Variants in MYH11 observed in about 807,000 individuals in gnomAD.
The protein encoded by MYH11 is myosin heavy chain 11, also known as myosin-11.
In MYH11, 80 loss-of-function variants were observed where a neutral mutation model predicts 246.6. The observed-to-expected ratio is 0.32, with a 90% CI of 0.27 to 0.39. The LOEUF is 0.39. MYH11 is among the 10% of genes least tolerant of loss of function. MYH11 has a pLI of 1.00. For missense variants in MYH11, 2,158 were observed against 2,546.8 expected (o/e 0.85, Z 3.29); for synonymous variants, 1,071 against 1,015.5 (o/e 1.05, Z -1.04).
intron 6 of MYH11, among the ~76,000 whole-genome samples, chr16:15,780,219 G>A (rs1263969220): frequency 6.6e-6 from 1 of 152,136 alleles, no homozygotes; most frequent in African/African-American, 2.4e-5. Flanking sequence ...CGGCACATCT[G>A]CTATGGAGAT....
Position 15,724,157 on chromosome 16 carries a change from C to G in MYH11, c.4365+4G>C. 6.2e-7 allele frequency: 1 copy of G among 1,613,166 alleles called. No individual in the cohort carries two copies. The highest frequency in any genetic ancestry group is 8.5e-7 in the Non-Finnish European group (1 of 1,180,042). On this transcript the variant is annotated splice_donor_region_variant and intron_variant, in intron 31 of 40. Transcript: ENST00000300036. ...CAGAGTGGGGGACACCCCACGCCCT[C>G]TACCTGATCAAATTTCCTCTGCTTC...
chr16:15,737,047 G>A (rs2041137724), intron 25 of MYH11, among the ~76,000 whole-genome samples: 1 of 152,064 alleles, frequency 6.6e-6, no homozygotes, highest in African/African-American at 2.4e-5. Context: ...CAAAAAAGAG[G>A]GCCCTTAGAG....
At chr16:15,827,075 G>C (rs1466752682) in intron 2 of MYH11, among the ~76,000 whole-genome samples, 1 of 149,742 alleles carries the variant, frequency 6.7e-6, no homozygotes, top group Non-Finnish European at 1.5e-5. Context: ...AAAGGAGAAT[G>C]AATGAGTCAA....
At chr16:15,764,489 A>G (rs1409811107) in intron 9 of MYH11, among the ~76,000 whole-genome samples, 4 of 152,182 alleles carry the variant, frequency 2.6e-5, no homozygotes, top group African/African-American at 4.8e-5. Flanking sequence ...AAACAAAAAA[A>G]AAACCCTGAC....
intron 8 of MYH11, among the ~76,000 whole-genome samples, chr16:15,772,119 TCTCA>T (rs66539506): frequency 0.21 from 26,291 of 127,018 alleles, 2,883 homozygotes; most frequent in Middle Eastern, 0.31. Flanking sequence ...TGAGACGGAG[TCTCA>T]CTCTGTCGTC....
intron 3 of MYH11, among the ~76,000 whole-genome samples, chr16:15,820,475 GAAA>G (rs199534515): frequency 0.16 from 16,780 of 104,218 alleles, 1,047 homozygotes; most frequent in East Asian, 0.2. Flanking sequence ...ACTCCATCCG[GAAA>G]AAAAAAAAAA....
chr16:15,764,980 C>T (rs550882132), intron 9 of MYH11, among the ~76,000 whole-genome samples: 1 of 152,342 alleles, frequency 6.6e-6, no homozygotes, highest in East Asian at 1.9e-4. Context: ...CATACTCAGG[C>T]CATGTTACTG....
At chr16:15,799,834 C>T (rs1289611724) in intron 3 of MYH11, among the ~76,000 whole-genome samples, 1 of 152,196 alleles carries the variant, frequency 6.6e-6, no homozygotes, top group African/African-American at 2.4e-5. Context: ...CAAAAATCTC[C>T]TAGGCTTGGT....
At chr16:15,851,000 C>A (rs1441513293) in intron 1 of MYH11, among the ~76,000 whole-genome samples, 1 of 152,154 alleles carries the variant, frequency 6.6e-6, no homozygotes, top group East Asian at 1.9e-4. Flanking sequence ...GAGGCCAAGC[C>A]AAGAGGATTG....
In MYH11 at chr16:15,735,465, T is replaced by C; in HGVS notation, c.3407A>G (p.Lys1136Arg). Residue 1136 changes from lysine (K) to arginine (R), a missense_variant, in exon 26 of 41, where the codon AAG (lysine) becomes AGG (arginine). This residue lies in a region of MYH11 where 284 missense variants were observed against 315.4 expected (regional missense o/e 0.90). Transcript: ENST00000300036. The stretch of plus-strand genomic sequence containing the variant: ...GAGGTCTCGCTTCTGCTTTTCAGCC[T>C]TGTTCCTGGCGGCCCGCTCTGAGTC... Reference protein sequence around the residue: ...DLDSERAARNKAEKQKRDLGE... With the variant: ...DLDSERAARNRAEKQKRDLGE... 1.2e-6 allele frequency: 2 copies of C among 1,614,116 alleles called. No homozygotes were observed. The highest frequency in any genetic ancestry group is 1.7e-6 in the Non-Finnish European group (2 of 1,180,024).
chr16:15,748,219 C>A, intron 16 of MYH11, 51 bp from the exon 17 acceptor site: 1 of 1,609,384 alleles, frequency 6.2e-7, no homozygotes. Flanking sequence ...AACCATGGCG[C>A]AGCAAAGCCC....
In MYH11 at chr16:15,788,095, T is replaced by TTTA. The variant is rs11273419; in HGVS notation, c.531-1364_531-1363insTAA. On this transcript the variant is annotated intron_variant, in intron 4 of 40. Coordinates refer to ENST00000300036, the MANE Select transcript of MYH11 (RefSeq NM_002474.3). Reference sequence around the variant, plus strand: ...GGTAGATCTTTTTTTTTTTTTTTTTTACCAAGATGGCTTTCGTGCACTAGC... The same window carrying TTTA: ...GGTAGATCTTTTTTTTTTTTTTTTTTTTAACCAAGATGGCTTTCGTGCACTAGC... Among the ~76,000 whole-genome samples the TTTA allele has an allele frequency of 1.9e-3, 190 of 99,516 alleles. 21 individuals are homozygous for TTTA. Among genetic ancestry groups the TTTA allele is most frequent in the African/African-American group, 5.4e-3 (156 of 29,054 alleles). The allele number at this position is 99,516 out of a possible 152,430, so 65.3% of individuals were successfully genotyped here.
intron 31 of MYH11, 162 bp from the exon 32 acceptor site, chr16:15,721,796 C>T (rs2040499863): frequency 4.3e-6 from 3 of 704,960 alleles, no homozygotes; most frequent in Non-Finnish European, 4.9e-6. Flanking sequence ...ATCTGGCGTT[C>T]TGACTTCTAC....
rs186139536 is a variant in MYH11 at position 15,762,055 on chromosome 16, A to G, written c.1130-1397T>C. 3.3e-3 allele frequency among the ~76,000 whole-genome samples: 505 copies of G among 152,312 alleles called. 2 individuals carry two copies. The highest frequency in any genetic ancestry group is 6.1e-3 in the Non-Finnish European group (412 of 68,024). On this transcript the variant is annotated intron_variant, in intron 10 of 40. Transcript: ENST00000300036. Reference sequence around the variant, plus strand: ...AGTGGCACAATCTCGGCGCACTGCAATCTCCGCCTCCTGCGTTCAAGCAGT... The same window carrying G: ...AGTGGCACAATCTCGGCGCACTGCAGTCTCCGCCTCCTGCGTTCAAGCAGT...
chr16:15,742,129 A>C, intron 20 of MYH11: 1 of 615,460 alleles, frequency 1.6e-6, no homozygotes. Flanking sequence ...CAGCCCCCAC[A>C]ACAGAATTAG....
chr16:15,849,782 T>G (rs1020577910), intron 1 of MYH11, among the ~76,000 whole-genome samples: 2 of 152,142 alleles, frequency 1.3e-5, no homozygotes, highest in Admixed American at 1.3e-4. Context: ...AACAAGCTAA[T>G]CATTAGCCTC....
At chr16:15,742,476 G>A (rs1486290857) in intron 20 of MYH11, among the ~76,000 whole-genome samples, 2 of 152,134 alleles carry the variant, frequency 1.3e-5, no homozygotes. Flanking sequence ...GAACAGTGAT[G>A]CATGCCTGTA....
chr16:15,848,878 C>T (rs528979312), intron 1 of MYH11, among the ~76,000 whole-genome samples: 2 of 152,272 alleles, frequency 1.3e-5, no homozygotes, highest in East Asian at 1.9e-4. Context: ...GGACCAGAGA[C>T]GGACCGCCAG....
In MYH11 at chr16:15,721,518, C is replaced by T. The variant is rs1214180465; in HGVS notation, c.4482G>A (p.Glu1494=). ...CGAGTTCCTCTTTGGCTTCCAAGGCCTCTTCAAGGGCCCGAGCCAGGGACA... is the reference window on the plus strand; with the variant it reads ...CGAGTTCCTCTTTGGCTTCCAAGGCTTCTTCAAGGGCCCGAGCCAGGGACA... ...KALSLARALE[E]ALEAKEELER... Residue 1494 remains glutamate, a synonymous_variant, in exon 32 of 41, where the codon GAG becomes GAA. Transcript: ENST00000300036. 1 of 1,614,224 alleles carries T rather than the reference C, an allele frequency of 6.2e-7. No homozygotes were observed. Among genetic ancestry groups the T allele is most frequent in the Non-Finnish European group, 8.5e-7 (1 of 1,180,044 alleles).
Sources: allele counts gnomAD v4.1 joint callset (sites outside exome capture counted in the v4.1 genomes callset), GRCh38; gene constraint gnomAD v4.1.1; regional missense constraint gnomAD v4.1.1; transcripts MANE v1.5; gene names NCBI Gene and HGNC (gene_info 2026-07-23, HGNC 2026-07-21).